Variants in APBB2 observed in about 807,000 individuals in gnomAD.
The protein encoded by APBB2 is amyloid beta precursor protein binding family B member 2.
A neutral mutation model predicts 82.5 loss-of-function variants in APBB2; 38 were observed. The ratio of observed to expected loss-of-function variants is 0.46; its 90% confidence interval spans 0.36 to 0.60. APBB2 has a LOEUF of 0.60. APBB2 is among the 20% of genes least tolerant of loss of function. APBB2 has a pLI of 0.00. For missense variants in APBB2, 772 were observed against 972.3 expected, an observed-to-expected ratio of 0.79 and a Z score of 2.74; for synonymous variants, 341 against 368.2, an observed-to-expected ratio of 0.93 and a Z score of 0.85.
At chr4:40,835,920 A>G (rs1351265211) in intron 12 of APBB2, among the ~76,000 whole-genome samples, 1 of 152,320 alleles carries the variant, frequency 6.6e-6, no homozygotes, top group South Asian at 2.1e-4. Context: ...GCGATTAAGA[A>G]TAACTCTGGG....
At chr4:41,100,245 T>G (rs1013324869) in intron 3 of APBB2, among the ~76,000 whole-genome samples, 1 of 152,162 alleles carries the variant, frequency 6.6e-6, no homozygotes, top group East Asian at 1.9e-4. Flanking sequence ...TTCTAAAAAT[T>G]CAGAACCAAA....
intron 5 of APBB2, among the ~76,000 whole-genome samples, chr4:41,019,953 G>A (rs770271115): frequency 8.6e-5 from 13 of 151,760 alleles, no homozygotes; most frequent in African/African-American, 2.4e-4. Context: ...ACAAGGAGTC[G>A]AAGAGAGAGG....
intron 2 of APBB2, among the ~76,000 whole-genome samples, chr4:41,123,633 G>C (rs1464907933): frequency 6.6e-6 from 1 of 152,122 alleles, no homozygotes; most frequent in East Asian, 1.9e-4. Context: ...GACCAGCCTG[G>C]TCAACATGGT....
At chr4:41,213,512 A>G (rs1348798925) in intron 1 of APBB2, among the ~76,000 whole-genome samples, 1 of 152,192 alleles carries the variant, frequency 6.6e-6, no homozygotes, top group Non-Finnish European at 1.5e-5. Context: ...ATCCAAATTA[A>G]TTTATTTTTT....
At chr4:40,843,733 C>G (rs945913571) in intron 12 of APBB2, among the ~76,000 whole-genome samples, 4 of 152,216 alleles carry the variant, frequency 2.6e-5, no homozygotes, top group African/African-American at 9.6e-5. Flanking sequence ...CACCAGCCAC[C>G]AATTACCCTT....
intron 3 of APBB2, among the ~76,000 whole-genome samples, chr4:41,073,557 C>T (rs1734615111): frequency 2.6e-5 from 4 of 152,168 alleles, no homozygotes; most frequent in Admixed American, 2.6e-4. Context: ...CTTCCAACTG[C>T]CAACATACTA....
At chr4:40,854,757 C>G (rs1006006615) in intron 12 of APBB2, among the ~76,000 whole-genome samples, 2 of 142,644 alleles carry the variant, frequency 1.4e-5, no homozygotes, top group African/African-American at 5.5e-5. Context: ...CCACTGCACT[C>G]CAGCCTGGGC....
intron 10 of APBB2, among the ~76,000 whole-genome samples, chr4:40,921,219 T>A (rs545252001): frequency 7.7e-4 from 118 of 152,350 alleles, no homozygotes; most frequent in African/African-American, 2.6e-3. Context: ...AAATGCTCTA[T>A]GAACATCGGC....
chr4:40,900,480 G>A (rs543562017), intron 10 of APBB2, among the ~76,000 whole-genome samples: 16 of 148,568 alleles, frequency 1.1e-4, no homozygotes, highest in Admixed American at 2.0e-4. Context: ...TTTTAAGATG[G>A]AGTCTCACTC....
At chr4:41,037,914 G>A (rs921738042) in intron 4 of APBB2, among the ~76,000 whole-genome samples, 19 of 152,084 alleles carry the variant, frequency 1.2e-4, no homozygotes, top group African/African-American at 4.1e-4. Flanking sequence ...ATTGAGAGGA[G>A]AGTCCTTGTT....
intron 16 of APBB2, among the ~76,000 whole-genome samples, chr4:40,823,413 G>A (rs993994408): frequency 2.6e-5 from 4 of 152,172 alleles, no homozygotes; most frequent in Non-Finnish European, 5.9e-5. Flanking sequence ...TGGGGCACAT[G>A]AGGAAGACAG....
intron 10 of APBB2, among the ~76,000 whole-genome samples, chr4:40,923,132 C>T (rs968157654): frequency 7.9e-5 from 12 of 151,886 alleles, no homozygotes; most frequent in African/African-American, 2.4e-4. Context: ...CCCGCCACCG[C>T]GCCCGGCTAA....
chr4:41,129,440 G>A (rs965812928), intron 2 of APBB2, among the ~76,000 whole-genome samples: 2 of 152,076 alleles, frequency 1.3e-5, no homozygotes, highest in African/African-American at 4.8e-5. Flanking sequence ...TGTGTGCCTT[G>A]GGAAGTCCAA....
chr4:41,045,496 G>A (rs185400548), intron 4 of APBB2, among the ~76,000 whole-genome samples: 15 of 152,148 alleles, frequency 9.9e-5, no homozygotes, highest in East Asian at 3.9e-4. Flanking sequence ...GTTTCACCGC[G>A]TTAGCCAGGA....
intron 12 of APBB2, among the ~76,000 whole-genome samples, chr4:40,868,814 C>T (rs1764688241): frequency 6.6e-6 from 1 of 152,076 alleles, no homozygotes; most frequent in Admixed American, 6.6e-5. Context: ...ACCAAAGAGC[C>T]ATTTTATTAT....
rs562681516 is a variant in APBB2 at position 41,127,641 on chromosome 4, G to T, written c.-261+15346C>A. Among the ~76,000 whole-genome samples, 1 of 152,254 alleles carries T rather than the reference G, an allele frequency of 6.6e-6. No homozygotes were observed. Among genetic ancestry groups the T allele is most frequent in the Admixed American group, 6.5e-5 (1 of 15,296 alleles). On this transcript the variant is annotated intron_variant, in intron 2 of 17. Transcript: ENST00000508593. This position sits in a 1 kb window ranked among gnomAD's most constrained non-coding sequence, Gnocchi z 4.8. Reference sequence around the variant, plus strand: ...AGATCTAATATCCAGAATCTAGGAGGAACTTAAACAATTCAATAAGCAAAA... The same window carrying T: ...AGATCTAATATCCAGAATCTAGGAGTAACTTAAACAATTCAATAAGCAAAA...
chr4:40,901,508 TTTG>T, intron 10 of APBB2, among the ~76,000 whole-genome samples: 2 of 151,950 alleles, frequency 1.3e-5, no homozygotes, highest in African/African-American at 4.8e-5. Flanking sequence ...CAGGGTTTTT[TTTG>T]TTGTTGTTTT....
chr4:41,049,001 C>T (rs1230441447), intron 4 of APBB2, among the ~76,000 whole-genome samples: 1 of 152,124 alleles, frequency 6.6e-6, no homozygotes, highest in Non-Finnish European at 1.5e-5. Context: ...GTGGCGTGAT[C>T]TCGGCTAGCT....
intron 3 of APBB2, among the ~76,000 whole-genome samples, chr4:41,072,178 G>A (rs1296443941): frequency 6.6e-6 from 1 of 152,242 alleles, no homozygotes; most frequent in Non-Finnish European, 1.5e-5. Context: ...CTAGAGTCAG[G>A]ATCTGAGTTG....
Sources: gnomAD v4.1 joint callset for allele counts (sites outside exome capture counted in the v4.1 genomes callset) on GRCh38, gnomAD v4.1.1 for gene constraint, Gnocchi (gnomAD v3.1) non-coding constraint, MANE v1.5 for transcripts, NCBI Gene and HGNC (gene_info 2026-07-23, HGNC 2026-07-21) for gene names.